Variants in CTNND2 observed in about 807,000 individuals in gnomAD.
CTNND2 encodes catenin delta 2, also known as catenin delta-2.
CTNND2 carries 22 observed loss-of-function variants against 144.4 expected under a neutral mutation model. That is an observed-to-expected ratio of 0.15 (90% confidence interval 0.11 to 0.22). The LOEUF (loss-of-function observed/expected upper bound fraction) is 0.22. Ranked by LOEUF, CTNND2 falls within the 10% of genes least tolerant of loss-of-function variation. CTNND2 has a pLI of 1.00. For missense variants in CTNND2, 1,353 were observed against 1,618.8 expected (o/e 0.84, Z 2.82); for synonymous variants, 751 against 695.6 (o/e 1.08, Z -1.25).
At position 11,298,371 on chromosome 5, in the gene CTNND2, A is replaced by G. The variant is rs139848554; in HGVS notation, c.1628+48001T>C. On this transcript the variant is annotated intron_variant, in intron 9 of 21. Coordinates refer to ENST00000304623, the MANE Select transcript of CTNND2 (RefSeq NM_001332.4). ...TTTTTTGTAGAGATGGGGACTTGCT[A>G]TGTTGCTCAGGCTGGTCTTGAACTC... 5.8e-3 allele frequency among the ~76,000 whole-genome samples: 878 copies of G among 152,138 alleles called. 9 individuals are homozygous for G. The highest frequency in any genetic ancestry group is 0.016 in the Admixed American group (241 of 15,278).
chr5:11,610,163 T>C (rs967234397), intron 2 of CTNND2, among the ~76,000 whole-genome samples: 1 of 152,180 alleles, frequency 6.6e-6, no homozygotes, highest in African/African-American at 2.4e-5. Context: ...GGCTGTTCCC[T>C]GGGAATGGAG....
chr5:11,205,037 GTGC>G (rs1561018862), intron 10 of CTNND2, among the ~76,000 whole-genome samples: 3 of 152,180 alleles, frequency 2.0e-5, no homozygotes, highest in African/African-American at 4.8e-5. Context: ...ACCTGGGTGT[GTGC>G]TGCTATTCCT....
intron 2 of CTNND2, among the ~76,000 whole-genome samples, chr5:11,627,251 C>T (rs564427542): frequency 1.3e-5 from 2 of 152,178 alleles, no homozygotes; most frequent in Non-Finnish European, 2.9e-5. Flanking sequence ...TAATTCTCAT[C>T]ACTTCTGATA....
At chr5:11,665,694 T>A (rs1864088) in intron 2 of CTNND2, among the ~76,000 whole-genome samples, 59,717 of 152,030 alleles carry the variant, frequency 0.39, 14,879 homozygotes, top group African/African-American at 0.71. Context: ...TCTCTCTATC[T>A]TAATATTGAT....
At chr5:11,259,669 G>A (rs143973885) in intron 9 of CTNND2, among the ~76,000 whole-genome samples, 31 of 152,320 alleles carry the variant, frequency 2.0e-4, no homozygotes, top group African/African-American at 5.3e-4. Context: ...TGTTGTTCTC[G>A]AGTCATGTTT....
Position 11,653,104 on chromosome 5 carries a change from T to C in CTNND2, c.174+79032A>G, listed in dbSNP as rs963216906. On this transcript the variant is annotated intron_variant, in intron 2 of 21. Transcript: ENST00000304623. ...GTGTGTGTGTGTGTGTGTGTGTGTGTGTGTGTGTGTAACCTACAATTTCTT... is the reference window on the plus strand; with the variant it reads ...GTGTGTGTGTGTGTGTGTGTGTGTGCGTGTGTGTGTAACCTACAATTTCTT... Among the ~76,000 whole-genome samples, 10 of 121,842 alleles carry C rather than the reference T, an allele frequency of 8.2e-5. No individual in the cohort carries two copies. The East Asian group carries it at 2.0e-3, about 25-fold the overall frequency. The allele number at this position is 121,842 out of a possible 152,430, so 79.9% of individuals were successfully genotyped here.
intron 18 of CTNND2, among the ~76,000 whole-genome samples, chr5:10,996,051 C>T (rs1370296222): frequency 1.3e-5 from 2 of 151,974 alleles, no homozygotes; most frequent in East Asian, 1.9e-4. Flanking sequence ...GCTGACTGGC[C>T]AGGGCAAGTG....
At chr5:11,385,572 A>G (rs1004451032) in intron 6 of CTNND2, among the ~76,000 whole-genome samples, 3 of 152,200 alleles carry the variant, frequency 2.0e-5, no homozygotes, top group Non-Finnish European at 4.4e-5. Flanking sequence ...CGACAGGGCA[A>G]TCATGATCTC....
At position 11,338,259 on chromosome 5, in the gene CTNND2, A is replaced by G. The variant is rs141334967; in HGVS notation, c.1628+8113T>C. Among the ~76,000 whole-genome samples the G allele has an allele frequency of 8.2e-4, 125 of 152,278 alleles. 3 individuals are homozygous for G. In the South Asian group the frequency reaches 0.02, roughly 25 times the overall value. On this transcript the variant is annotated intron_variant, in intron 9 of 21. Coordinates refer to ENST00000304623, the MANE Select transcript of CTNND2 (RefSeq NM_001332.4). ...GCTTGGATTTGGCTTTTTGCCCCCA[A>G]GTGATGTAGGGAAGCCCAGAATGCC...
intron 2 of CTNND2, among the ~76,000 whole-genome samples, chr5:11,615,148 T>G (rs1383577598): frequency 6.6e-6 from 1 of 152,226 alleles, no homozygotes; most frequent in Non-Finnish European, 1.5e-5. Context: ...TTTATTAGGT[T>G]GGTGCAAAGG....
chr5:11,854,608 C>A (rs1795168690), intron 1 of CTNND2, among the ~76,000 whole-genome samples: 1 of 152,170 alleles, frequency 6.6e-6, no homozygotes, highest in Non-Finnish European at 1.5e-5. Flanking sequence ...AGTGAATACT[C>A]AAAACTCTAA....
At chr5:11,024,495 C>A (rs929668042) in intron 16 of CTNND2, among the ~76,000 whole-genome samples, 3 of 152,136 alleles carry the variant, frequency 2.0e-5, no homozygotes, top group Admixed American at 6.6e-5. Flanking sequence ...AGTTCATTAA[C>A]CCCCACAAAC....
At position 11,431,369 on chromosome 5, in the gene CTNND2, C is replaced by T. The variant is rs115997415; in HGVS notation, c.288-19300G>A. On this transcript the variant is annotated intron_variant, in intron 3 of 21. Transcript: ENST00000304623. ...ACATATGATGGATTAAAGTTAGCCA[C>T]GTATCCTTGCCATTTCATCCATTAA... Among the ~76,000 whole-genome samples the T allele has an allele frequency of 6.9e-3, 1,053 of 152,294 alleles. 17 individuals are homozygous for T. Among genetic ancestry groups the T allele is most frequent in the African/African-American group, 0.024 (1,006 of 41,568 alleles).
At chr5:11,293,114 GCT>G (rs1748538024) in intron 9 of CTNND2, among the ~76,000 whole-genome samples, 1 of 106,992 alleles carries the variant, frequency 9.3e-6, no homozygotes, top group African/African-American at 4.2e-5. Context: ...GCAAACAAAG[GCT>G]GGCTTAGAAG....
intron 1 of CTNND2, among the ~76,000 whole-genome samples, chr5:11,879,341 G>GTGTATATATATA: frequency 1.8e-4 from 20 of 109,270 alleles, no homozygotes; most frequent in Admixed American, 5.0e-4. Context: ...TTAAATGTGT[G>GTGTATATATATA]TATATATATA....
chr5:11,466,921 C>CA (rs994157293), intron 3 of CTNND2, among the ~76,000 whole-genome samples: 52 of 152,214 alleles, frequency 3.4e-4, no homozygotes, highest in African/African-American at 1.2e-3. Flanking sequence ...TGCAATTCAC[C>CA]ATGAAAGAAA....
chr5:11,298,815 T>C (rs1359522873), intron 9 of CTNND2, among the ~76,000 whole-genome samples: 1 of 152,226 alleles, frequency 6.6e-6, no homozygotes, highest in East Asian at 1.9e-4. Context: ...GTTACATATG[T>C]CGGTTTGCCC....
chr5:11,651,387 A>G (rs960715062), intron 2 of CTNND2, among the ~76,000 whole-genome samples: 1 of 152,208 alleles, frequency 6.6e-6, no homozygotes, highest in African/African-American at 2.4e-5. Context: ...TGCAGGCAAA[A>G]GTCTGCTGCA....
At chr5:11,690,742 C>CAAAAAAAAAAAAAAAAAAAAAAAAA (rs58799389) in intron 2 of CTNND2, among the ~76,000 whole-genome samples, 1 of 36,532 alleles carries the variant, frequency 2.7e-5, no homozygotes, top group Non-Finnish European at 7.5e-5. Flanking sequence ...GACTCCGTCT[C>CAAAAAAAAAAAAAAAAAAAAAAAAA]AAAAAAAAAA....
Sources: gnomAD v4.1 joint callset for allele counts (sites outside exome capture counted in the v4.1 genomes callset) on GRCh38, gnomAD v4.1.1 for gene constraint, MANE v1.5 for transcripts, NCBI Gene and HGNC (gene_info 2026-07-23, HGNC 2026-07-21) for gene names.